POLR3A: variants seen among roughly 807,000 people sequenced by gnomAD.
POLR3A encodes the protein DNA-directed RNA polymerase III subunit RPC1.
A neutral mutation model predicts 152.8 loss-of-function variants in POLR3A; 112 were observed. The observed-to-expected ratio is 0.73, with a 90% CI of 0.63 to 0.86. The LOEUF is 0.86. POLR3A is among the 40% of genes least tolerant of loss of function. The pLI, the probability that POLR3A is intolerant of heterozygous loss-of-function variation, is 0.00. For synonymous variants in POLR3A, 615 were observed against 652.1 expected (o/e 0.94, Z 0.87); for missense variants, 1,385 against 1,743.1 (o/e 0.79, Z 3.66).
rs1343165099 is a variant in POLR3A, at chr10:78,029,503, C to T, written c.-96G>A. On this transcript the variant is annotated 5_prime_UTR_variant, in exon 1 of 31. The change abolishes the stop of an existing upstream ORF in the 5' untranslated region. Coordinates refer to ENST00000372371, the MANE Select transcript of POLR3A (RefSeq NM_007055.4). ...CCTGGGGCTGCTTCTGGACTCGCCG[C>T]TAACACATCTGCGGCATCCTCTCGG... is the stretch of plus-strand genomic sequence containing the variant. The T allele has an allele frequency of 8.0e-7, 1 of 1,249,368 alleles. No individual in the cohort carries two copies. The highest frequency in any genetic ancestry group is 2.3e-5 in the East Asian group (1 of 42,568). The allele number at this position is 1,249,368 out of a possible 1,614,324, so 77.4% of individuals were successfully genotyped here. A position where few individuals can be genotyped will look rare whatever the true frequency, so the allele number is the denominator to read the frequency against.
chr10:78,005,036 G>T (rs1209515796), intron 15 of POLR3A, 148 bp from the exon 16 acceptor site: 2 of 710,398 alleles, frequency 2.8e-6, no homozygotes, highest in African/African-American at 3.5e-5. Flanking sequence ...TATCTTCACA[G>T]AATTCATCAC....
intron 12 of POLR3A, 30 bp from the exon 13 acceptor site, chr10:78,010,021 GA>G (rs1847451468): frequency 6.2e-7 from 1 of 1,612,520 alleles, no homozygotes; most frequent in African/African-American, 1.3e-5. Flanking sequence ...ACAAAACAAA[GA>G]AAAGGAATGA....
intron 10 of POLR3A, among the ~76,000 whole-genome samples, chr10:78,015,599 C>T (rs1020015828): frequency 6.6e-6 from 1 of 151,990 alleles, no homozygotes; most frequent in African/African-American, 2.4e-5. Flanking sequence ...GCTGGGATTA[C>T]AGGCATGAGC....
At chr10:77,981,297 A>T in intron 29 of POLR3A, 131 bp downstream of exon 29, 1 of 939,898 alleles carries the variant, frequency 1.1e-6, no homozygotes, top group South Asian at 1.3e-5. Context: ...AGCAATGTTC[A>T]CATCTTATTT....
intron 30 of POLR3A, among the ~76,000 whole-genome samples, chr10:77,978,153 C>T (rs1847106824): frequency 6.6e-6 from 1 of 152,156 alleles, no homozygotes; most frequent in Non-Finnish European, 1.5e-5. Flanking sequence ...TCATGATCTA[C>T]AGCCCTGATG....
chr10:77,996,178 T>G (rs1236352725), intron 19 of POLR3A, among the ~76,000 whole-genome samples: 5 of 151,716 alleles, frequency 3.3e-5, no homozygotes, highest in Non-Finnish European at 5.9e-5. Context: ...AGAGGGAAAT[T>G]TATAGCACTA....
In POLR3A at chr10:77,981,151, A is replaced by G. The variant is rs76518924; in HGVS notation, c.3891+277T>C. On this transcript the variant is annotated intron_variant, in intron 29 of 30. Transcript: ENST00000372371. ...CAGTGGCTAATTTTGCTTTAGGATGACATTCAGGATGAGGACGGAACCAAG... is the reference window on the plus strand; with the variant it reads ...CAGTGGCTAATTTTGCTTTAGGATGGCATTCAGGATGAGGACGGAACCAAG... 4.6e-3 allele frequency among the ~76,000 whole-genome samples: 693 copies of G among 152,240 alleles called. 8 individuals are homozygous for G. The East Asian group carries it at 0.049, about 11-fold the overall frequency.
chr10:77,982,870 A>G lies in POLR3A; in HGVS notation c.3430-53T>C. The G allele has an allele frequency of 5.1e-6, 8 of 1,562,834 alleles. No homozygotes were observed. In the Middle Eastern group the frequency reaches 1.2e-3, roughly 229 times the overall value. ...CTGATTCCAGTGTTGTTCTTCGTTT[A>G]TTTCATTGTTGCCCCTCTAAGAAGT... On this transcript the variant is annotated intron_variant, in intron 26 of 30. Transcript: ENST00000372371.
In POLR3A at chr10:77,982,251, TC is replaced by T. The variant is rs754882036; in HGVS notation, c.3661del (p.Glu1221ArgfsTer21). ...VIHIDEQSGK[E>X]KYKLLVEGDN... ...ACCTTCCACCAGAAGCTTGTACTTC[TC>T]CTTTCCACTCTGCTCGTCAATGTGG... On this transcript the variant is annotated frameshift_variant, in exon 28 of 31. Transcript: ENST00000372371. LOFTEE classifies it high-confidence loss of function. 4 of 1,613,628 alleles carry T rather than the reference TC, an allele frequency of 2.5e-6. No individual in the cohort carries two copies. The highest frequency in any genetic ancestry group is 3.4e-6 in the Non-Finnish European group (4 of 1,179,864).
chr10:77,978,872 C>G (rs1239431571), intron 30 of POLR3A, among the ~76,000 whole-genome samples: 1 of 151,900 alleles, frequency 6.6e-6, no homozygotes, highest in Non-Finnish European at 1.5e-5. Context: ...CCATCTTGGC[C>G]AGGTTGGTCT....
chr10:77,983,042 A>G (rs1210678817), intron 26 of POLR3A, among the ~76,000 whole-genome samples: 1 of 152,190 alleles, frequency 6.6e-6, no homozygotes, highest in Non-Finnish European at 1.5e-5. Flanking sequence ...CCACGACAAA[A>G]TATTTGCCCT....
At chr10:78,013,831 G>T (rs1212444513) in intron 10 of POLR3A, 41 bp from the exon 11 acceptor site, 23 of 1,613,618 alleles carry the variant, frequency 1.4e-5, no homozygotes, top group Non-Finnish European at 1.9e-5. Flanking sequence ...AGAGGACTTA[G>T]GCATTTATCC....
At position 77,989,418 on chromosome 10, in the gene POLR3A, C is replaced by A. The variant is rs192434102; in HGVS notation, c.2901+1636G>T. Among the ~76,000 whole-genome samples, 5 of 152,280 alleles carry A rather than the reference C, an allele frequency of 3.3e-5. No individual in the cohort carries two copies. In the East Asian group the frequency reaches 9.6e-4, roughly 29 times the overall value. On this transcript the variant is annotated intron_variant, in intron 21 of 30. Transcript: ENST00000372371. ...TCTGTTCTGGCCAGTGGATTTTGGA[C>A]CCTCTCAGCAAATCTGAGCTCATCG...
Position 78,022,011 on chromosome 10 carries a change from T to C in POLR3A, c.897A>G (p.Ser299=). 2 of 1,614,210 alleles carry C rather than the reference T, an allele frequency of 1.2e-6. No individual in the cohort carries two copies. Among genetic ancestry groups the C allele is most frequent in the Non-Finnish European group, 1.7e-6 (2 of 1,180,028 alleles). Residue 299 remains serine, a synonymous_variant, in exon 7 of 31, where the codon TCA becomes TCG. Transcript: ENST00000372371. The stretch of plus-strand genomic sequence containing the variant: ...CCATGATCATCTGGGTCTTGGCTCC[T>C]GAGATCCGATGCTAAAACCAGCACA... ...LNDVIKKHRI[S]GAKTQMIMED... is the part of the protein sequence containing the mutation.
chr10:77,982,839 G>C (rs749219293), intron 26 of POLR3A, 22 bp from the exon 27 acceptor site: 9 of 1,611,054 alleles, frequency 5.6e-6, no homozygotes, highest in African/African-American at 1.3e-5. Context: ...CCAGGTGTAG[G>C]TGTTACTGAT....
chr10:78,018,499 G>GA (rs776042065), intron 9 of POLR3A, among the ~76,000 whole-genome samples: 317 of 121,380 alleles, frequency 2.6e-3, no homozygotes, highest in Non-Finnish European at 3.2e-3. Context: ...ACTCTGTCTT[G>GA]AAAAAAAAAA....
chr10:77,978,304 T>C (rs1278884701), intron 30 of POLR3A, among the ~76,000 whole-genome samples: 9 of 152,194 alleles, frequency 5.9e-5, no homozygotes, highest in Admixed American at 5.9e-4. Context: ...TTGTAGACTT[T>C]GTGCTACCAA....
rs1847092416 is a variant in POLR3A, at chr10:77,976,690, AG to A, written c.*787del. The stretch of plus-strand genomic sequence containing the variant: ...TTGCAGCAGGCCCCAAACTCCAGTG[AG>A]GCTTCCATAGGCCATGGAGAATGGG... On this transcript the variant is annotated 3_prime_UTR_variant, in exon 31 of 31. Transcript: ENST00000372371. 1 of 152,244 alleles carries A rather than the reference AG, an allele frequency of 6.6e-6. No homozygotes were observed. The allele number at this position is 152,244 out of a possible 1,614,324, so 9.4% of individuals were successfully genotyped here. A position where few individuals can be genotyped will look rare whatever the true frequency, so the allele number is the denominator to read the frequency against.
intron 21 of POLR3A, among the ~76,000 whole-genome samples, chr10:77,988,495 A>G (rs1023537313): frequency 2.0e-5 from 3 of 148,192 alleles, no homozygotes; most frequent in African/African-American, 7.4e-5. Flanking sequence ...CTGTCTCAGG[A>G]AAAAAAAAAC....
Sources: gnomAD v4.1 joint callset for allele counts (sites outside exome capture counted in the v4.1 genomes callset) on GRCh38, gnomAD v4.1.1 for gene constraint, MANE v1.5 for transcripts, NCBI Gene and HGNC (gene_info 2026-07-23, HGNC 2026-07-21) for gene names.